ADAM20: variants seen among roughly 807,000 people sequenced by gnomAD.
The protein encoded by ADAM20 is disintegrin and metalloproteinase domain-containing protein 20.
For missense variants in ADAM20, 871 were observed against 883.2 expected, an observed-to-expected ratio of 0.99 and a Z score of 0.18; for synonymous variants, 305 against 310.2, an observed-to-expected ratio of 0.98 and a Z score of 0.18.
At chr14:70,577,415 A>G in the ADAM20 span, among the ~76,000 whole-genome samples, 1 of 152,204 alleles carries the variant, frequency 6.6e-6, no homozygotes, top group Non-Finnish European at 1.5e-5. Flanking sequence ...AAAAAAGTAC[A>G]TATAAAATGT....
chr14:70,522,826 T>C lies in ADAM20; in HGVS notation c.1932A>G (p.Gly644=). ...GACAGTGTTGTTTGTTGTTGCAGAT[T>C]CCCCTCATGTTGCAGGTCTTAGGCT... is the stretch of plus-strand genomic sequence containing the variant. ...ACQPKTCNMR[G]ICNNKQHCHC... The change falls in exon 2 of 2, where the codon GGA becomes GGG. Residue 644 remains glycine (G), a synonymous_variant. Coordinates refer to ENST00000256389, the MANE Select transcript of ADAM20 (RefSeq NM_003814.5). 6.2e-7 allele frequency: 1 copy of C among 1,614,050 alleles called. No individual in the cohort carries two copies. The highest frequency in any genetic ancestry group is 1.1e-5 in the South Asian group (1 of 91,076).
the ADAM20 span, chr14:70,547,540 G>A: frequency 8.9e-6 from 1 of 112,848 alleles, no homozygotes; most frequent in Non-Finnish European, 1.8e-5. Flanking sequence ...AGAAAGGGGT[G>A]ACGGACGCAC....
rs118090883 is a variant in ADAM20 at position 70,531,413 on chromosome 14, G to C, written c.-177+3384C>G. 8.7e-3 allele frequency among the ~76,000 whole-genome samples: 1,322 copies of C among 152,204 alleles called. 13 individuals are homozygous for C. The highest frequency in any genetic ancestry group is 0.011 in the Non-Finnish European group (742 of 67,954). The stretch of plus-strand genomic sequence containing the variant: ...GTACACAGCTAACATTGTACTCAAT[G>C]ATGAAAAACTGAAAGCTTTTCCTCT... On this transcript the variant is annotated intron_variant, in intron 1 of 1. Transcript: ENST00000256389.
the ADAM20 span, among the ~76,000 whole-genome samples, chr14:70,542,347 G>C: frequency 6.6e-6 from 1 of 152,178 alleles, no homozygotes; most frequent in Admixed American, 6.5e-5. Flanking sequence ...CCAAGGCTTT[G>C]AATGGAATGG....
In ADAM20 at chr14:70,523,479, G is replaced by A. The variant is rs147557544; in HGVS notation, c.1279C>T (p.Arg427Trp). 2.4e-5 allele frequency: 38 copies of A among 1,613,900 alleles called. No individual in the cohort carries two copies. Among genetic ancestry groups the A allele is most frequent in the African/African-American group, 5.3e-5 (4 of 74,900 alleles). ...CAACAGGGATCTTTTGCACACTGCC[G>A]TATGGTTCCACAGTCACATTCCTCC... ...EGEECDCGTI[R>W]QCAKDPCCLL... Residue 427 changes from arginine (R) to tryptophan (W), a missense_variant, in exon 2 of 2, where the codon CGG (arginine) becomes TGG (tryptophan). Physicochemically the swap from Arg to Trp is moderately radical, Grantham distance 101 (BLOSUM62 -3). Transcript: ENST00000256389.
chr14:70,522,397 T>C lies in ADAM20; in HGVS notation c.*180A>G. ...ACCTTTAATATTGCTTAAGACACTG[T>C]AGAGTAAGTAAGAATAGGCTAGGAA... On this transcript the variant is annotated 3_prime_UTR_variant, in exon 2 of 2. Coordinates refer to ENST00000256389, the MANE Select transcript of ADAM20 (RefSeq NM_003814.5). 1 of 649,382 alleles carries C rather than the reference T, an allele frequency of 1.5e-6. No homozygotes were observed. Among genetic ancestry groups the C allele is most frequent in the Non-Finnish European group, 2.6e-6 (1 of 391,262 alleles). 40.2% of individuals were successfully genotyped at this position (649,382 alleles called of 1,614,324 possible).
chr14:70,558,329 T>C, the ADAM20 span, among the ~76,000 whole-genome samples: 3 of 152,214 alleles, frequency 2.0e-5, no homozygotes, highest in African/African-American at 4.8e-5. Flanking sequence ...AAAACATACA[T>C]AGATCGGATT....
At chr14:70,576,508 C>A in the ADAM20 span, among the ~76,000 whole-genome samples, 1 of 152,106 alleles carries the variant, frequency 6.6e-6, no homozygotes, top group East Asian at 1.9e-4. Flanking sequence ...ATACAAGTTT[C>A]ATTGCTAGAT....
intron 1 of ADAM20, among the ~76,000 whole-genome samples, chr14:70,530,287 T>A (rs1470238538): frequency 6.6e-6 from 1 of 152,190 alleles, no homozygotes; most frequent in African/African-American, 2.4e-5. Flanking sequence ...TGCCTCCATA[T>A]CTTGTCCCAT....
intron 1 of ADAM20, among the ~76,000 whole-genome samples, chr14:70,532,207 G>C (rs545401529): frequency 1.3e-5 from 2 of 151,988 alleles, no homozygotes; most frequent in East Asian, 3.9e-4. Context: ...CTCTGATAAA[G>C]GTGCCAAAAC....
chr14:70,577,607 A>G, the ADAM20 span, among the ~76,000 whole-genome samples: 7 of 152,312 alleles, frequency 4.6e-5, no homozygotes, highest in Admixed American at 1.3e-4. Flanking sequence ...CATTTGAAAC[A>G]TAACAAAATT....
chr14:70,559,808 G>A, the ADAM20 span, among the ~76,000 whole-genome samples: 5 of 135,968 alleles, frequency 3.7e-5, no homozygotes, highest in Admixed American at 1.5e-4. Context: ...TGGAGGGAAG[G>A]AAAGCAGGAG....
At chr14:70,542,454 T>C in the ADAM20 span, among the ~76,000 whole-genome samples, 1 of 152,206 alleles carries the variant, frequency 6.6e-6, no homozygotes, top group Non-Finnish European at 1.5e-5. Context: ...CTGTACAGGG[T>C]TTCTGACCTG....
chr14:70,527,890 A>G (rs1883623957), intron 1 of ADAM20, among the ~76,000 whole-genome samples: 1 of 152,206 alleles, frequency 6.6e-6, no homozygotes, highest in Non-Finnish European at 1.5e-5. Flanking sequence ...AACTTTGTTC[A>G]TGCCCTACCC....
the ADAM20 span, among the ~76,000 whole-genome samples, chr14:70,578,088 C>T: frequency 6.6e-6 from 1 of 152,076 alleles, no homozygotes; most frequent in African/African-American, 2.4e-5. Context: ...TGAAAAACAA[C>T]TCACACAGAA....
the ADAM20 span, among the ~76,000 whole-genome samples, chr14:70,558,789 G>T: frequency 6.6e-6 from 1 of 151,674 alleles, no homozygotes; most frequent in Non-Finnish European, 1.5e-5. Flanking sequence ...AAAAAACTAA[G>T]CATTTGACAG....
At chr14:70,576,954 C>A in the ADAM20 span, among the ~76,000 whole-genome samples, 1 of 152,086 alleles carries the variant, frequency 6.6e-6, no homozygotes, top group African/African-American at 2.4e-5. Flanking sequence ...AGTAAATGTT[C>A]CCTGAGCTGG....
chr14:70,573,391 G>C, the ADAM20 span, among the ~76,000 whole-genome samples: 1 of 152,148 alleles, frequency 6.6e-6, no homozygotes, highest in African/African-American at 2.4e-5. Flanking sequence ...ATACACAGGA[G>C]ACATAAAGAT....
chr14:70,527,882 C>A (rs1883623630), intron 1 of ADAM20, among the ~76,000 whole-genome samples: 1 of 152,192 alleles, frequency 6.6e-6, no homozygotes, highest in Non-Finnish European at 1.5e-5. Flanking sequence ...GCTTTAGGAA[C>A]TTTGTTCATG....
Sources: allele counts gnomAD v4.1 joint callset (sites outside exome capture counted in the v4.1 genomes callset), GRCh38; gene constraint gnomAD v4.1.1; transcripts MANE v1.5; gene names NCBI Gene and HGNC (gene_info 2026-07-23, HGNC 2026-07-21).